Variants in TCP11L2 observed in about 807,000 individuals in gnomAD.
TCP11L2 encodes t-complex 11 like 2.
In TCP11L2, 39 loss-of-function variants were observed where a neutral mutation model predicts 50.7. The observed-to-expected ratio is 0.77, with a 90% CI of 0.60 to 1.01. The LOEUF (loss-of-function observed/expected upper bound fraction) is 1.01, where lower values mean the gene tolerates loss of function less well. Among genes scored for constraint, TCP11L2 ranks in the 50% least tolerant of loss-of-function variants. The pLI, the probability that TCP11L2 is intolerant of heterozygous loss-of-function variation, is 0.00. For synonymous variants in TCP11L2, 192 were observed against 219.3 expected, an observed-to-expected ratio of 0.88 and a Z score of 1.10; for missense variants, 612 against 614.7, an observed-to-expected ratio of 1.00 and a Z score of 0.05.
intron 8 of TCP11L2, among the ~76,000 whole-genome samples, chr12:106,338,608 A>G (rs1200982290): frequency 6.6e-6 from 1 of 152,242 alleles, no homozygotes; most frequent in African/African-American, 2.4e-5. Flanking sequence ...TGTTGTGAAT[A>G]GTGCTGCAGT....
At chr12:106,312,256 C>CTTTTTTTTTTTTTTTTTTTTTTTTTTTT in intron 2 of TCP11L2, 1 of 313,244 alleles carries the variant, frequency 3.2e-6, no homozygotes, top group Non-Finnish European at 5.7e-6. Flanking sequence ...ATTTAGTTTC[C>CTTTTTTTTTTTTTTTTTTTTTTTTTTTT]ATTTTTTTTT....
intron 4 of TCP11L2, among the ~76,000 whole-genome samples, chr12:106,320,507 T>C (rs1006435615): frequency 6.6e-6 from 1 of 152,214 alleles, no homozygotes; most frequent in African/African-American, 2.4e-5. Flanking sequence ...CTTTGGGTAC[T>C]CTGGTTTCCT....
At chr12:106,345,001 T>C (rs2036189682) in intron 9 of TCP11L2, among the ~76,000 whole-genome samples, 1 of 152,140 alleles carries the variant, frequency 6.6e-6, no homozygotes, top group South Asian at 2.1e-4. Flanking sequence ...ACTTATTTAG[T>C]ATTAATTAAT....
At chr12:106,304,836 T>A (rs747621800) in intron 1 of TCP11L2, among the ~76,000 whole-genome samples, 1 of 152,208 alleles carries the variant, frequency 6.6e-6, no homozygotes, top group Non-Finnish European at 1.5e-5. Context: ...GATTTTGCGG[T>A]GCATAAAGAA....
chr12:106,306,414 A>C (rs1236189770), intron 1 of TCP11L2, among the ~76,000 whole-genome samples: 1 of 152,110 alleles, frequency 6.6e-6, no homozygotes, highest in East Asian at 1.9e-4. Context: ...ATGGCCCTTT[A>C]TTCCTAAATA....
At chr12:106,331,312 G>A (rs2035738870) in intron 6 of TCP11L2, among the ~76,000 whole-genome samples, 1 of 147,432 alleles carries the variant, frequency 6.8e-6, no homozygotes, top group South Asian at 2.2e-4. Context: ...CACGCTAACT[G>A]GTATCTACAA....
chr12:106,306,567 A>G (rs2034640989), intron 1 of TCP11L2, among the ~76,000 whole-genome samples: 1 of 152,210 alleles, frequency 6.6e-6, no homozygotes, highest in South Asian at 2.1e-4. Flanking sequence ...CTCTAGGATC[A>G]CCTATTGCAC....
At chr12:106,321,792 A>G in intron 5 of TCP11L2, 86 bp downstream of exon 5, 1 of 1,083,122 alleles carries the variant, frequency 9.2e-7, no homozygotes, top group Non-Finnish European at 1.4e-6. Flanking sequence ...ACAGAATAAC[A>G]ACTAGTACCC....
At chr12:106,319,195 G>A (rs773769142) in intron 4 of TCP11L2, among the ~76,000 whole-genome samples, 8 of 152,220 alleles carry the variant, frequency 5.3e-5, no homozygotes, top group East Asian at 1.9e-4. Flanking sequence ...ACAGGCGTGA[G>A]CCACCGCGCC....
chr12:106,336,362 T>C, intron 8 of TCP11L2, 149 bp downstream of exon 8: 1 of 714,942 alleles, frequency 1.4e-6, no homozygotes, highest in Middle Eastern at 3.1e-4. Context: ...GAATTTCCTT[T>C]AATATCTCTG....
chr12:106,300,073 A>G (rs2034385319), upstream of TCP11L2, among the ~76,000 whole-genome samples: 1 of 152,180 alleles, frequency 6.6e-6, no homozygotes, highest in South Asian at 2.1e-4. Flanking sequence ...TAAGTGGTTC[A>G]AAAAGGTAAG....
Position 106,321,597 on chromosome 12 carries a change from C to G in TCP11L2, c.526C>G (p.Gln176Glu), listed in dbSNP as rs750751883. 1.2e-6 allele frequency: 2 copies of G among 1,614,222 alleles called. No homozygotes were observed. Among genetic ancestry groups the G allele is most frequent in the Non-Finnish European group, 1.7e-6 (2 of 1,180,040 alleles). Residue 176 changes from glutamine to glutamate, a missense_variant, in exon 5 of 10, where the codon CAA (glutamine) becomes GAA (glutamate). Transcript: ENST00000299045. ...QQAEHSAVDIQGLANYVISTM... is the reference protein window; with the variant it reads ...QQAEHSAVDIEGLANYVISTM... ...GGCTGAGCACAGTGCTGTTGACATC[C>G]AAGGCCTGGCCAACTATGTCATCAG...
rs777479623 is a variant in TCP11L2 at position 106,321,704 on chromosome 12, G to A, written c.633G>A (p.Leu211=). ...LKATGNIVEV[L]RQIFHVLDLM... Reference sequence around the variant, plus strand: ...CTACTGGCAACATCGTGGAGGTGCTGAGGTTAGCACTTTTGCTGTTTGCAT... The same window carrying A: ...CTACTGGCAACATCGTGGAGGTGCTAAGGTTAGCACTTTTGCTGTTTGCAT... The change falls in exon 5 of 10, where the codon CTG becomes CTA. Residue 211 remains leucine, a splice_region_variant and synonymous_variant. Coordinates refer to ENST00000299045, the MANE Select transcript of TCP11L2 (RefSeq NM_152772.3). 1.2e-6 allele frequency: 2 copies of A among 1,613,632 alleles called. No individual in the cohort carries two copies. The highest frequency in any genetic ancestry group is 1.1e-5 in the South Asian group (1 of 91,052).
intron 1 of TCP11L2, among the ~76,000 whole-genome samples, chr12:106,310,005 T>A (rs544690216): frequency 6.6e-6 from 1 of 152,296 alleles, no homozygotes; most frequent in South Asian, 2.1e-4. Context: ...GCCTTTCTCC[T>A]TGAGCCCGGG....
chr12:106,335,361 A>C (rs531427022), intron 6 of TCP11L2, among the ~76,000 whole-genome samples: 1 of 152,162 alleles, frequency 6.6e-6, no homozygotes, highest in Non-Finnish European at 1.5e-5. Flanking sequence ...TGACATCTAG[A>C]ATGTGCCATA....
chr12:106,340,786 A>G, intron 8 of TCP11L2, 40 bp from the exon 9 acceptor site: 4 of 1,536,008 alleles, frequency 2.6e-6, no homozygotes, highest in Non-Finnish European at 3.5e-6. Flanking sequence ...CTTGATGAAC[A>G]AAAACTTTCC....
rs2036242639 is a variant in TCP11L2, at chr12:106,346,611, C to T, written c.*81C>T. 1 of 1,523,516 alleles carries T rather than the reference C, an allele frequency of 6.6e-7. No individual in the cohort carries two copies. Among genetic ancestry groups the T allele is most frequent in the East Asian group, 2.3e-5 (1 of 44,224 alleles). The allele number at this position is 1,523,516 out of a possible 1,614,324, so 94.4% of individuals were successfully genotyped here. A position where few individuals can be genotyped will look rare whatever the true frequency, so the allele number is the denominator to read the frequency against. On this transcript the variant is annotated 3_prime_UTR_variant, in exon 10 of 10. Transcript: ENST00000299045. The stretch of plus-strand genomic sequence containing the variant: ...ACTTCCATTGATGGCATTAGAGATC[C>T]AGCACATTCTCAGTACTGTGGTGCA...
upstream of TCP11L2, among the ~76,000 whole-genome samples, chr12:106,302,403 GCTCAGCCCCCGCTCCCCCA>G (rs1565832147): frequency 3.2e-3 from 181 of 56,224 alleles, 7 homozygotes; most frequent in Admixed American, 4.2e-3. Flanking sequence ...CTCAGCCCCC[GCTCAGCCCCCGCTCCCCCA>G]CTCGGCCCCG....
At chr12:106,308,493 A>C (rs531448801) in intron 1 of TCP11L2, among the ~76,000 whole-genome samples, 1 of 152,378 alleles carries the variant, frequency 6.6e-6, no homozygotes, top group African/African-American at 2.4e-5. Flanking sequence ...AAGCTAGTTC[A>C]TAAATTCTCA....
Sources: allele counts gnomAD v4.1 joint callset (sites outside exome capture counted in the v4.1 genomes callset), GRCh38; gene constraint gnomAD v4.1.1; transcripts MANE v1.5; gene names NCBI Gene and HGNC (gene_info 2026-07-23, HGNC 2026-07-21).